Variants in SETBP1 observed in about 807,000 individuals in gnomAD.
The protein encoded by SETBP1 is SET-binding protein.
In SETBP1, 9 loss-of-function variants were observed where a neutral mutation model predicts 101.0. That is an observed-to-expected ratio of 0.09 (90% CI 0.05 to 0.16). SETBP1 has a LOEUF of 0.16. Among genes scored for constraint, SETBP1 ranks in the 10% least tolerant of loss-of-function variants. The pLI, the probability that SETBP1 is intolerant of heterozygous loss-of-function variation, is 1.00. For missense variants in SETBP1, 1,858 were observed against 2,033.8 expected (o/e 0.91, Z 1.66); for synonymous variants, 818 against 788.5 (o/e 1.04, Z -0.63).
chr18:44,705,505 G>A (rs2069198984), intron 2 of SETBP1, among the ~76,000 whole-genome samples: 2 of 152,148 alleles, frequency 1.3e-5, no homozygotes, highest in South Asian at 4.2e-4. Flanking sequence ...TTGGAGGCTG[G>A]GGGGAATTAG....
intron 5 of SETBP1, among the ~76,000 whole-genome samples, chr18:45,051,921 C>T (rs1235797186): frequency 6.6e-6 from 1 of 152,160 alleles, no homozygotes; most frequent in Non-Finnish European, 1.5e-5. Flanking sequence ...TATGTGAGGA[C>T]CTAATTTAAT....
chr18:45,050,277 A>G (rs1271552910), intron 5 of SETBP1, among the ~76,000 whole-genome samples: 1 of 152,244 alleles, frequency 6.6e-6, no homozygotes, highest in African/African-American at 2.4e-5. Flanking sequence ...TGTTACAAAA[A>G]TAGTCCGTGA....
At chr18:44,729,613 C>T (rs146087614) in intron 2 of SETBP1, among the ~76,000 whole-genome samples, 11 of 152,310 alleles carry the variant, frequency 7.2e-5, no homozygotes, top group African/African-American at 2.6e-4. Flanking sequence ...CCTATGGGGA[C>T]ACCCATGTGG....
At chr18:44,782,773 C>T (rs568828507) in intron 2 of SETBP1, among the ~76,000 whole-genome samples, 33 of 152,210 alleles carry the variant, frequency 2.2e-4, no homozygotes, top group Admixed American at 1.8e-3. Context: ...AGCTTGTATT[C>T]GCGGTGGGCA....
intron 5 of SETBP1, among the ~76,000 whole-genome samples, chr18:45,060,249 G>C (rs757805586): frequency 6.6e-6 from 1 of 152,130 alleles, no homozygotes; most frequent in African/African-American, 2.4e-5. Context: ...AGTAAAGCAG[G>C]CAAGCTTGAC....
chr18:44,895,299 A>G (rs1599289063), intron 3 of SETBP1, among the ~76,000 whole-genome samples: 2 of 48,972 alleles, frequency 4.1e-5, no homozygotes, highest in Non-Finnish European at 7.3e-5. Flanking sequence ...GGGAGGGAGG[A>G]AGGGGGGAGA....
chr18:44,975,188 GA>G (rs2071959150), intron 4 of SETBP1, among the ~76,000 whole-genome samples: 1 of 152,164 alleles, frequency 6.6e-6, no homozygotes, highest in Non-Finnish European at 1.5e-5. Context: ...CACTGAGAAA[GA>G]AATTTATGAT....
intron 5 of SETBP1, among the ~76,000 whole-genome samples, chr18:45,043,348 TTC>T (rs1380324339): frequency 7.6e-5 from 7 of 92,504 alleles, no homozygotes; most frequent in East Asian, 2.4e-4. Flanking sequence ...AGTATATCCT[TTC>T]TCTCTCTCTC....
intron 4 of SETBP1, among the ~76,000 whole-genome samples, chr18:44,967,985 G>A (rs2071756870): frequency 2.6e-5 from 4 of 152,068 alleles, no homozygotes; most frequent in African/African-American, 9.7e-5. Context: ...GGTAGATGGA[G>A]GTCTACCTTG....
rs1396859510 is a variant in SETBP1 at position 44,950,154 on chromosome 18, A to G, written c.814A>G (p.Asn272Asp). The G allele has an allele frequency of 6.2e-7, 1 of 1,613,886 alleles. No homozygotes were observed. The highest frequency in any genetic ancestry group is 2.2e-5 in the East Asian group (1 of 44,870). Residue 272 changes from asparagine (N) to aspartate (D), a missense_variant, in exon 4 of 6, where the codon AAC (asparagine) becomes GAC (aspartate). Coordinates refer to ENST00000649279, the MANE Select transcript of SETBP1 (RefSeq NM_015559.3). ...CCAGGGTAAGAAAGGCAGTGCAGGG[A>G]ACACGTGGAGTCAGTTGTCTAACAA... ...KAQGKKGSAG[N>D]TWSQLSNNNK... is the part of the protein sequence containing the mutation.
At chr18:45,058,896 C>T (rs1055672562) in intron 5 of SETBP1, among the ~76,000 whole-genome samples, 2 of 152,122 alleles carry the variant, frequency 1.3e-5, no homozygotes, top group Non-Finnish European at 2.9e-5. Context: ...AACAGGAGGG[C>T]AGCTACAAGC....
chr18:45,031,431 GA>G (rs1161178377), intron 4 of SETBP1, among the ~76,000 whole-genome samples: 1 of 152,036 alleles, frequency 6.6e-6, no homozygotes, highest in Non-Finnish European at 1.5e-5. Flanking sequence ...ATTAACAGAT[GA>G]AAAAAATTGA....
At chr18:44,796,292 G>T (rs894370828) in intron 2 of SETBP1, among the ~76,000 whole-genome samples, 5 of 152,196 alleles carry the variant, frequency 3.3e-5, no homozygotes, top group African/African-American at 4.8e-5. Context: ...AATGGGAAAA[G>T]AATTATATAT....
intron 2 of SETBP1, among the ~76,000 whole-genome samples, chr18:44,744,696 G>A (rs1009387274): frequency 3.3e-5 from 5 of 151,980 alleles, no homozygotes; most frequent in Non-Finnish European, 7.4e-5. Context: ...GGCCCTGGCT[G>A]TGGGAGCCGA....
At chr18:44,839,268 C>T (rs2072563659) in intron 2 of SETBP1, among the ~76,000 whole-genome samples, 1 of 152,132 alleles carries the variant, frequency 6.6e-6, no homozygotes, top group Admixed American at 6.5e-5. Context: ...TGAAGAGCCA[C>T]CAGGGAAGTA....
chr18:44,924,074 A>G (rs988604960), intron 3 of SETBP1, among the ~76,000 whole-genome samples: 27 of 151,914 alleles, frequency 1.8e-4, no homozygotes, highest in Admixed American at 1.1e-3. Context: ...TCATCTTTTT[A>G]TTTGGCTGTA....
At chr18:44,856,311 T>C (rs2072976171) in intron 2 of SETBP1, among the ~76,000 whole-genome samples, 1 of 152,172 alleles carries the variant, frequency 6.6e-6, no homozygotes, top group African/African-American at 2.4e-5. Context: ...AGGGAATTCC[T>C]GCATTGGAGG....
At chr18:45,036,247 C>T (rs545117581) in intron 4 of SETBP1, among the ~76,000 whole-genome samples, 43 of 151,206 alleles carry the variant, frequency 2.8e-4, no homozygotes, top group Non-Finnish European at 5.3e-4. Context: ...GCAGGAGAAT[C>T]GCTTGAACCC....
chr18:44,866,529 G>T (rs2069133375), intron 2 of SETBP1, among the ~76,000 whole-genome samples: 1 of 152,174 alleles, frequency 6.6e-6, no homozygotes. Context: ...CGTCTTTTTA[G>T]ACAGGGTCTT....
Sources: gnomAD v4.1 joint callset for allele counts (sites outside exome capture counted in the v4.1 genomes callset) on GRCh38, gnomAD v4.1.1 for gene constraint, MANE v1.5 for transcripts, NCBI Gene and HGNC (gene_info 2026-07-23, HGNC 2026-07-21) for gene names.